Variants in PPM1L observed in about 807,000 individuals in gnomAD.
PPM1L encodes protein phosphatase, Mg2+/Mn2+ dependent 1L.
PPM1L carries 13 observed loss-of-function variants against 31.4 expected under a neutral mutation model. The ratio of observed to expected loss-of-function variants is 0.41; its 90% CI spans 0.27 to 0.66. The LOEUF is 0.66. Among genes scored for constraint, PPM1L ranks in the 30% least tolerant of loss-of-function variants. PPM1L has a pLI of 0.29. For synonymous variants in PPM1L, 184 were observed against 175.4 expected, an observed-to-expected ratio of 1.05 and a Z score of -0.39; for missense variants, 326 against 453.7, an observed-to-expected ratio of 0.72 and a Z score of 2.56.
intron 1 of PPM1L, among the ~76,000 whole-genome samples, chr3:160,893,435 A>G (rs1713223239): frequency 1.3e-5 from 2 of 152,212 alleles, no homozygotes; most frequent in Non-Finnish European, 2.9e-5. Context: ...TCCCTGGGAC[A>G]TAAACCAAAT....
rs1275264528 is a variant in PPM1L, at chr3:161,074,514, A to T, written c.*5357A>T. Reference sequence around the variant, plus strand: ...ATTATCCAAAATATTTTAAAAAACTAAAAGTAAGATCTCTTAGGCTAGGTG... The same window carrying T: ...ATTATCCAAAATATTTTAAAAAACTTAAAGTAAGATCTCTTAGGCTAGGTG... On this transcript the variant is annotated 3_prime_UTR_variant, in exon 4 of 4. Coordinates refer to ENST00000498165, the MANE Select transcript of PPM1L (RefSeq NM_139245.4). The T allele has an allele frequency of 2.0e-5, 3 of 152,240 alleles. No homozygotes were observed. The highest frequency in any genetic ancestry group is 2.0e-4 in the Admixed American group (3 of 15,288). The allele number at this position is 152,240 out of a possible 1,614,324, so 9.4% of individuals were successfully genotyped here. A position where few individuals can be genotyped will look rare whatever the true frequency, so the allele number is the denominator to read the frequency against.
intron 2 of PPM1L, among the ~76,000 whole-genome samples, chr3:161,021,044 T>C (rs62282273): frequency 0.21 from 31,812 of 151,848 alleles, 3,539 homozygotes; most frequent in South Asian, 0.3. Flanking sequence ...TCTCTATTTT[T>C]GTATCATTTA....
intron 2 of PPM1L, among the ~76,000 whole-genome samples, chr3:161,011,856 C>T (rs1008106066): frequency 1.1e-3 from 160 of 151,738 alleles, no homozygotes; most frequent in African/African-American, 3.3e-3. Context: ...GGGATTTTTG[C>T]ACATTGATTT....
Position 161,068,876 on chromosome 3 carries a change from G to C in PPM1L, c.802G>C (p.Gly268Arg). The change falls in exon 4 of 4, where the codon GGG (glycine) becomes CGG (arginine). Residue 268 changes from glycine to arginine, a missense_variant. Physicochemically the swap from Gly to Arg is moderately radical, Grantham distance 125. Coordinates refer to ENST00000498165, the MANE Select transcript of PPM1L (RefSeq NM_139245.4). ...AATCCTGGCCATGTCTCGGTCCCTGGGGGATTATCCGCTGAAAAATCTCAA... is the reference window on the plus strand; with the variant it reads ...AATCCTGGCCATGTCTCGGTCCCTGCGGGATTATCCGCTGAAAAATCTCAA... ...QGILAMSRSLGDYPLKNLNVV... is the reference protein window; with the variant it reads ...QGILAMSRSLRDYPLKNLNVV... 1 of 1,614,112 alleles carries C rather than the reference G, an allele frequency of 6.2e-7. No individual in the cohort carries two copies. The highest frequency in any genetic ancestry group is 8.5e-7 in the Non-Finnish European group (1 of 1,180,016).
chr3:160,839,407 AG>A (rs1713804262), intron 1 of PPM1L, among the ~76,000 whole-genome samples: 1 of 152,134 alleles, frequency 6.6e-6, no homozygotes, highest in East Asian at 1.9e-4. Context: ...CTGGATTGTA[AG>A]GGGAAGTAAA....
At chr3:160,866,987 A>G (rs1260271637) in intron 1 of PPM1L, among the ~76,000 whole-genome samples, 2 of 152,150 alleles carry the variant, frequency 1.3e-5, no homozygotes, top group Non-Finnish European at 2.9e-5. Context: ...GACCATAGGC[A>G]TGTGCCACCA....
At chr3:161,049,214 G>A (rs1719188007) in intron 2 of PPM1L, among the ~76,000 whole-genome samples, 1 of 151,880 alleles carries the variant, frequency 6.6e-6, no homozygotes, top group African/African-American at 2.4e-5. Context: ...GGAGATCGAG[G>A]CTGCAATGAG....
chr3:160,781,668 A>G (rs1412738645), intron 1 of PPM1L, among the ~76,000 whole-genome samples: 4 of 152,240 alleles, frequency 2.6e-5, no homozygotes, highest in Non-Finnish European at 5.9e-5. Flanking sequence ...GGCAACTTCT[A>G]GAAGTAATGG....
At chr3:161,043,196 C>G (rs971872063) in intron 2 of PPM1L, among the ~76,000 whole-genome samples, 1 of 151,910 alleles carries the variant, frequency 6.6e-6, no homozygotes, top group Non-Finnish European at 1.5e-5. Flanking sequence ...TAGCAGTCAA[C>G]CAGAGGGAGT....
At chr3:160,994,903 C>G (rs1470051113) in intron 2 of PPM1L, among the ~76,000 whole-genome samples, 1 of 152,028 alleles carries the variant, frequency 6.6e-6, no homozygotes, top group East Asian at 1.9e-4. Flanking sequence ...AAAAAGTGAC[C>G]CTTTCCAAGA....
chr3:160,880,258 A>AT (rs1712667638), intron 1 of PPM1L, among the ~76,000 whole-genome samples: 1 of 152,054 alleles, frequency 6.6e-6, no homozygotes, highest in Non-Finnish European at 1.5e-5. Flanking sequence ...GACATTAAGA[A>AT]TTTTTTCTGT....
chr3:161,005,973 A>C (rs1056815274), intron 2 of PPM1L, among the ~76,000 whole-genome samples: 1 of 150,814 alleles, frequency 6.6e-6, no homozygotes, highest in Non-Finnish European at 1.5e-5. Context: ...AGATGCATTA[A>C]AAAAACATAA....
At chr3:160,928,305 C>G (rs1714668638) in intron 1 of PPM1L, among the ~76,000 whole-genome samples, 1 of 152,164 alleles carries the variant, frequency 6.6e-6, no homozygotes. Flanking sequence ...CTTCTAGCAA[C>G]AGACTGCACA....
intron 1 of PPM1L, among the ~76,000 whole-genome samples, chr3:160,852,177 A>G (rs943522735): frequency 6.6e-6 from 1 of 152,204 alleles, no homozygotes; most frequent in African/African-American, 2.4e-5. Flanking sequence ...GTTGATAAGA[A>G]ACCATTCTGA....
intron 1 of PPM1L, among the ~76,000 whole-genome samples, chr3:160,937,087 T>C (rs1714997206): frequency 6.6e-6 from 1 of 152,174 alleles, no homozygotes; most frequent in Admixed American, 6.5e-5. Context: ...AATATTTCAG[T>C]TCATTTGTTT....
chr3:160,968,024 G>A (rs1363598208), intron 2 of PPM1L, among the ~76,000 whole-genome samples: 1 of 151,914 alleles, frequency 6.6e-6, no homozygotes, highest in African/African-American at 2.4e-5. Context: ...TCCTTACACA[G>A]CCACATAATT....
At chr3:160,861,547 C>T (rs1194258335) in intron 1 of PPM1L, among the ~76,000 whole-genome samples, 1 of 152,138 alleles carries the variant, frequency 6.6e-6, no homozygotes, top group Non-Finnish European at 1.5e-5. Flanking sequence ...TACTTGCTCT[C>T]TGAGATGCCT....
intron 2 of PPM1L, among the ~76,000 whole-genome samples, chr3:161,013,148 C>G (rs1234064020): frequency 8.5e-5 from 13 of 152,194 alleles, no homozygotes; most frequent in East Asian, 1.9e-4. Flanking sequence ...CCTGCTTTCT[C>G]TTGTGGGCAT....
At chr3:160,845,423 T>A (rs1416876136) in intron 1 of PPM1L, among the ~76,000 whole-genome samples, 2 of 152,026 alleles carry the variant, frequency 1.3e-5, no homozygotes, top group African/African-American at 2.4e-5. Context: ...TTTGCAAATG[T>A]TTTTTCCATT....
Sources: gnomAD v4.1 joint callset for allele counts (sites outside exome capture counted in the v4.1 genomes callset) on GRCh38, gnomAD v4.1.1 for gene constraint, MANE v1.5 for transcripts, NCBI Gene and HGNC (gene_info 2026-07-23, HGNC 2026-07-21) for gene names.